The following TTC29 variants were observed in gnomAD, a reference collection of about 807,000 sequenced individuals.
TTC29 encodes the protein tetratricopeptide repeat protein 29.
In TTC29, 49 loss-of-function variants were observed where a neutral mutation model predicts 58.1. The ratio of observed to expected loss-of-function variants is 0.84; its 90% confidence interval spans 0.67 to 1.07. TTC29 has a LOEUF of 1.07. Among genes scored for constraint, TTC29 ranks in the 50% least tolerant of loss-of-function variants. The pLI is 0.00. For synonymous variants in TTC29, 209 were observed against 196.8 expected (o/e 1.06, Z -0.52); for missense variants, 582 against 555.6 (o/e 1.05, Z -0.48).
Position 146,803,526 on chromosome 4 carries a change from G to A in TTC29, c.1261C>T (p.Leu421Phe). Residue 421 changes from leucine to phenylalanine, a missense_variant, in exon 11 of 13, where the codon CTC (leucine) becomes TTC (phenylalanine). Transcript: ENST00000325106. ...GACAGCAGGTAGTTGAGGCTGGTGA[G>A]ATCTGCAGACTCTATATAGTTGTTC... ...TVNNYIESAD[L>F]TSLNYLLSWK... 5 of 1,601,958 alleles carry A rather than the reference G, an allele frequency of 3.1e-6. No homozygotes were observed. Among genetic ancestry groups the A allele is most frequent in the Non-Finnish European group, 4.3e-6 (5 of 1,173,364 alleles).
In TTC29 at chr4:146,937,670, A is replaced by C. The variant is rs933504539; in HGVS notation, c.100T>G (p.Leu34Val). The C allele has an allele frequency of 4.7e-6, 7 of 1,492,062 alleles. No individual in the cohort carries two copies. The highest frequency in any genetic ancestry group is 5.4e-6 in the Non-Finnish European group (6 of 1,103,324). The allele number at this position is 1,492,062 out of a possible 1,614,324, so 92.4% of individuals were successfully genotyped here. Residue 34 changes from leucine to valine, a missense_variant, in exon 4 of 13, where the codon TTG becomes GTG. Leu to Val is a conservative substitution (Grantham distance 32, BLOSUM62 1). Transcript: ENST00000325106. ...TCTATGTCATCTTTTTCTTTGATCA[A>C]TTGAGACCTAAATGAAATAGAAAGA... ...CSSRKIPRSQLIKEKDDIDHY... is the reference protein window; with the variant it reads ...CSSRKIPRSQVIKEKDDIDHY...
At chr4:146,855,083 G>T (rs542152064) in intron 8 of TTC29, among the ~76,000 whole-genome samples, 7 of 152,006 alleles carry the variant, frequency 4.6e-5, no homozygotes, top group Non-Finnish European at 8.8e-5. Flanking sequence ...ATTCGCTTGA[G>T]GTCAGGAGTT....
At chr4:146,749,629 T>C (rs1215229963) in intron 11 of TTC29, among the ~76,000 whole-genome samples, 5 of 152,066 alleles carry the variant, frequency 3.3e-5, no homozygotes, top group Non-Finnish European at 1.5e-5. Flanking sequence ...CTTAATCAAA[T>C]AATGGGTTGG....
At chr4:146,769,368 A>AT (rs1434828860) in intron 11 of TTC29, among the ~76,000 whole-genome samples, 3 of 152,092 alleles carry the variant, frequency 2.0e-5, no homozygotes, top group South Asian at 2.1e-4. Flanking sequence ...GATTTCTAGA[A>AT]TTTTTTTAAA....
At chr4:146,911,840 A>G (rs910733272) in intron 4 of TTC29, among the ~76,000 whole-genome samples, 3 of 152,190 alleles carry the variant, frequency 2.0e-5, no homozygotes, top group African/African-American at 7.2e-5. Flanking sequence ...ACCCTGTCAC[A>G]GCCCCACTCC....
At position 146,939,913 on chromosome 4, in the gene TTC29, A is replaced by T; in HGVS notation, c.-6-12T>A. The T allele has an allele frequency of 6.3e-7, 1 of 1,593,860 alleles. No individual in the cohort carries two copies. Among genetic ancestry groups the T allele is most frequent in the South Asian group, 1.1e-5 (1 of 87,930 alleles). ...GTGGTCATTTCGGACTACAAAAAGA[A>T]ATAAGTAGAAATTGTATTTTAAGGA... On this transcript the variant is annotated splice_polypyrimidine_tract_variant and intron_variant, in intron 2 of 12. Coordinates refer to ENST00000325106, the MANE Select transcript of TTC29 (RefSeq NM_031956.4).
chr4:146,868,045 A>G (rs983418941), intron 7 of TTC29, among the ~76,000 whole-genome samples: 3 of 152,302 alleles, frequency 2.0e-5, no homozygotes, highest in Admixed American at 2.0e-4. Flanking sequence ...TTCATACTCA[A>G]TCACATGGAC....
chr4:146,811,536 C>A (rs1415653055), intron 10 of TTC29, among the ~76,000 whole-genome samples: 1 of 152,170 alleles, frequency 6.6e-6, no homozygotes, highest in Non-Finnish European at 1.5e-5. Flanking sequence ...CCACCAAACA[C>A]ACAAAAACCA....
intron 11 of TTC29, among the ~76,000 whole-genome samples, chr4:146,718,557 C>A (rs568059798): frequency 6.6e-6 from 1 of 152,170 alleles, no homozygotes; most frequent in African/African-American, 2.4e-5. Context: ...TAAAATTAGA[C>A]CATTTGCTTT....
At chr4:146,801,228 T>C (rs1287014589) in intron 11 of TTC29, among the ~76,000 whole-genome samples, 5 of 152,130 alleles carry the variant, frequency 3.3e-5, no homozygotes, top group Admixed American at 1.3e-4. Flanking sequence ...AGAAGTATTT[T>C]TGAAGCATTT....
intron 9 of TTC29, among the ~76,000 whole-genome samples, chr4:146,825,155 G>C (rs572725824): frequency 6.6e-6 from 1 of 152,118 alleles, no homozygotes; most frequent in Admixed American, 6.6e-5. Flanking sequence ...TTTTGGATTA[G>C]TTTGCTCTTG....
At chr4:146,708,109 C>T (rs984194828) in intron 11 of TTC29, among the ~76,000 whole-genome samples, 5 of 151,846 alleles carry the variant, frequency 3.3e-5, no homozygotes, top group Non-Finnish European at 7.4e-5. Context: ...CAGCTGAATA[C>T]TACTTAGTGA....
chr4:146,782,297 G>A (rs529697115), intron 11 of TTC29, among the ~76,000 whole-genome samples: 1 of 151,514 alleles, frequency 6.6e-6, no homozygotes, highest in South Asian at 2.1e-4. Flanking sequence ...TTAAAAATAA[G>A]TTATTTAGTG....
intron 11 of TTC29, among the ~76,000 whole-genome samples, chr4:146,764,403 G>C (rs1747137967): frequency 6.6e-6 from 1 of 151,960 alleles, no homozygotes. Context: ...GGGAGGAGGA[G>C]AGAGGAGGGC....
At chr4:146,884,875 T>G (rs893050951) in intron 6 of TTC29, among the ~76,000 whole-genome samples, 16 of 152,102 alleles carry the variant, frequency 1.1e-4, no homozygotes, top group African/African-American at 3.9e-4. Context: ...CATTTTCTCT[T>G]GCAACACCCT....
intron 8 of TTC29, among the ~76,000 whole-genome samples, chr4:146,846,972 A>T (rs1429631182): frequency 6.6e-6 from 1 of 152,182 alleles, no homozygotes; most frequent in African/African-American, 2.4e-5. Context: ...TAGATCCATG[A>T]TGTAATGCTT....
chr4:146,750,412 T>C (rs578008803), intron 11 of TTC29, among the ~76,000 whole-genome samples: 12 of 152,286 alleles, frequency 7.9e-5, no homozygotes, highest in African/African-American at 2.4e-4. Flanking sequence ...CTAGTAGAGG[T>C]AAATGCATAG....
intron 8 of TTC29, among the ~76,000 whole-genome samples, chr4:146,836,322 A>G (rs1317356137): frequency 6.6e-6 from 1 of 152,152 alleles, no homozygotes; most frequent in Non-Finnish European, 1.5e-5. Flanking sequence ...AACAGGAAAT[A>G]TATAGGCAGT....
intron 11 of TTC29, among the ~76,000 whole-genome samples, chr4:146,763,240 T>A (rs193096573): frequency 1.3e-5 from 2 of 152,130 alleles, no homozygotes; most frequent in African/African-American, 2.4e-5. Flanking sequence ...TAAGTAAATA[T>A]AAAGTTAAGG....
Sources: gnomAD v4.1 joint callset for allele counts (sites outside exome capture counted in the v4.1 genomes callset) on GRCh38, gnomAD v4.1.1 for gene constraint, MANE v1.5 for transcripts, NCBI Gene and HGNC (gene_info 2026-07-23, HGNC 2026-07-21) for gene names.